Variants in CELA2A observed in about 807,000 individuals in gnomAD.
CELA2A encodes chymotrypsin-like elastase family member 2A.
In CELA2A, 31 loss-of-function variants were observed where a neutral mutation model predicts 35.3. That is an observed-to-expected ratio of 0.88 (90% CI 0.66 to 1.19). CELA2A has a LOEUF of 1.19. Ranked by LOEUF, CELA2A falls within the 50% of genes most tolerant of loss-of-function variation. CELA2A has a pLI of 0.00. For synonymous variants in CELA2A, 150 were observed against 149.8 expected, an observed-to-expected ratio of 1.00 and a Z score of -0.01; for missense variants, 330 against 352.9, an observed-to-expected ratio of 0.94 and a Z score of 0.52.
chr1:15,457,112 C>G lies in CELA2A; in HGVS notation c.67C>G (p.Pro23Ala). The change falls in exon 2 of 8, where the codon CCA becomes GCA. Residue 23 changes from proline (P) to alanine (A), a missense_variant. Physicochemically the swap from Pro to Ala is conservative, Grantham distance 27 (BLOSUM62 -1). Coordinates refer to ENST00000359621, the MANE Select transcript of CELA2A (RefSeq NM_033440.3). ...GALSCGDPTY[P>A]PYVTRVVGGE... ...CCTCAGTTGTGGGGACCCCACTTAC[C>G]CACCTTATGTGACTAGGGTGGTTGG... The G allele has an allele frequency of 6.2e-7, 1 of 1,614,122 alleles. No homozygotes were observed. Among genetic ancestry groups the G allele is most frequent in the Non-Finnish European group, 8.5e-7 (1 of 1,180,020 alleles).
At chr1:15,465,258 A>T (rs1050901490) in intron 5 of CELA2A, among the ~76,000 whole-genome samples, 2 of 151,834 alleles carry the variant, frequency 1.3e-5, no homozygotes, top group African/African-American at 4.8e-5. Context: ...TGATCTGCCC[A>T]CCTTGGCCTC....
chr1:15,469,096 T>C (rs1341187671), intron 7 of CELA2A, among the ~76,000 whole-genome samples: 2 of 152,258 alleles, frequency 1.3e-5, no homozygotes, highest in Admixed American at 1.3e-4. Context: ...GGGAATCACT[T>C]GAACCTGGGA....
intron 6 of CELA2A, 126 bp downstream of exon 6, chr1:15,466,270 G>A: frequency 8.2e-7 from 1 of 1,226,638 alleles, no homozygotes; most frequent in Non-Finnish European, 1.1e-6. Context: ...ACATGTTCCA[G>A]ATATATCTTT....
At chr1:15,458,967 C>T (rs1363890270) in intron 2 of CELA2A, among the ~76,000 whole-genome samples, 1 of 118,266 alleles carries the variant, frequency 8.5e-6, no homozygotes, top group African/African-American at 3.4e-5. Flanking sequence ...AGACTGTCAA[C>T]GATAGAATGA....
chr1:15,462,072 A>T, intron 3 of CELA2A: 1 of 478,706 alleles, frequency 2.1e-6, no homozygotes, highest in South Asian at 1.5e-5. Context: ...CCTGGCACTT[A>T]GTAAGTGCTC....
intron 7 of CELA2A, 119 bp downstream of exon 7, chr1:15,467,657 C>A (rs1708539221): frequency 6.9e-6 from 9 of 1,300,558 alleles, no homozygotes; most frequent in Non-Finnish European, 3.2e-6. Flanking sequence ...AGATGGGAAC[C>A]CCTTGGAGGA....
intron 3 of CELA2A, chr1:15,462,236 G>A (rs1173630533): frequency 2.1e-6 from 1 of 469,362 alleles, no homozygotes; most frequent in Non-Finnish European, 4.4e-6. Context: ...CCTACCAGGA[G>A]TGATCCCTTC....
chr1:15,462,270 CT>C, intron 3 of CELA2A: 1 of 454,908 alleles, frequency 2.2e-6, no homozygotes, highest in East Asian at 7.1e-5. Context: ...ATAATAAGCT[CT>C]AGGAGGTATT....
At position 15,457,071 on chromosome 1, in the gene CELA2A, T is replaced by C. The variant is rs1708370375; in HGVS notation, c.41-15T>C. 6.2e-7 allele frequency: 1 copy of C among 1,612,744 alleles called. No homozygotes were observed. ...GTCGCTGCTTCCTGACTCAAGACCC[T>C]TTCTCTTTTCACAGCCCTCAGTTGT... On this transcript the variant is annotated splice_polypyrimidine_tract_variant and intron_variant, in intron 1 of 7. Transcript: ENST00000359621.
In CELA2A at chr1:15,463,431, C is replaced by T. The variant is rs767868645; in HGVS notation, c.402C>T (p.Thr134=). Residue 134 remains threonine (T), a synonymous_variant, in exon 5 of 8, where the codon ACC becomes ACT. Coordinates refer to ENST00000359621, the MANE Select transcript of CELA2A (RefSeq NM_033440.3). The stretch of plus-strand genomic sequence containing the variant: ...AACTGGCTAACCCCGTCTCCCTCAC[C>T]GACAAGATCCAGCTGGCCTGCCTCC... ...LLKLANPVSL[T]DKIQLACLPP... is the part of the protein sequence containing the mutation. 1.9e-5 allele frequency: 31 copies of T among 1,613,856 alleles called. No homozygotes were observed. Among genetic ancestry groups the T allele is most frequent in the Admixed American group, 1.5e-4 (9 of 59,990 alleles).
rs555105635 is a variant in CELA2A at position 15,470,044 on chromosome 1, G to A, written c.793-1946G>A. ...TGGCCAGATGGCAGCAGGGATCCAC[G>A]GGGCAGCACGCCTCGCAAGGCAGCT... On this transcript the variant is annotated intron_variant, in intron 7 of 7. Transcript: ENST00000359621. Among the ~76,000 whole-genome samples, 4 of 152,286 alleles carry A rather than the reference G, an allele frequency of 2.6e-5. No homozygotes were observed. In the East Asian group the frequency reaches 5.8e-4, roughly 22 times the overall value.
Position 15,460,876 on chromosome 1 carries a change from TA to T in CELA2A, c.130-684del, listed in dbSNP as rs1708424621. ...ATTTTTGTTGTAGAGACAATGTATTTAGTCCTGCCTCACACGGCTAATAAAG... is the reference window on the plus strand; with the variant it reads ...ATTTTTGTTGTAGAGACAATGTATTTGTCCTGCCTCACACGGCTAATAAAG... On this transcript the variant is annotated intron_variant, in intron 2 of 7. Transcript: ENST00000359621. Among the ~76,000 whole-genome samples, 4 of 146,162 alleles carry T rather than the reference TA, an allele frequency of 2.7e-5. No homozygotes were observed. In the South Asian group the frequency reaches 8.7e-4, roughly 32 times the overall value.
Position 15,467,442 on chromosome 1 carries a change from C to A in CELA2A, c.696C>A (p.His232Gln), listed in dbSNP as rs201638508. 8 of 1,613,920 alleles carry A rather than the reference C, an allele frequency of 5.0e-6. No individual in the cohort carries two copies. The highest frequency in any genetic ancestry group is 5.9e-6 in the Non-Finnish European group (7 of 1,180,046). ...CQASDGRWQV[H>Q]GIVSFGSRLG... is the part of the protein sequence containing the mutation. ...CGTCTGACGGCCGGTGGCAGGTGCA[C>A]GGCATCGTCAGCTTCGGGTCTCGCC... Residue 232 changes from histidine to glutamine, a missense_variant, in exon 7 of 8, where the codon CAC becomes CAA. Transcript: ENST00000359621.
intron 2 of CELA2A, among the ~76,000 whole-genome samples, 169 bp from the exon 3 acceptor site, chr1:15,461,392 C>T (rs1425371719): frequency 1.3e-5 from 2 of 152,106 alleles, no homozygotes; most frequent in East Asian, 3.9e-4. Context: ...TGCATTAACA[C>T]GTTTTTTATC....
intron 2 of CELA2A, among the ~76,000 whole-genome samples, chr1:15,458,844 C>T (rs565312050): frequency 4.4e-4 from 59 of 132,970 alleles, no homozygotes; most frequent in African/African-American, 1.5e-3. Context: ...ACCTGGGAGG[C>T]GCAGGTTGCG....
At chr1:15,457,476 G>T in intron 2 of CELA2A, 1 of 303,174 alleles carries the variant, frequency 3.3e-6, no homozygotes, top group Non-Finnish European at 6.3e-6. Flanking sequence ...CAGGTGTGGT[G>T]GCACACGCCT....
intron 7 of CELA2A, among the ~76,000 whole-genome samples, chr1:15,470,837 T>A (rs1352225532): frequency 6.6e-6 from 1 of 152,158 alleles, no homozygotes; most frequent in Non-Finnish European, 1.5e-5. Context: ...CGCCTTGGCC[T>A]CCAAAAGTGC....
chr1:15,463,387 A>T lies in CELA2A; in HGVS notation c.358A>T (p.Asn120Tyr). The change falls in exon 5 of 8, where the codon AAC becomes TAC. Residue 120 changes from asparagine (N) to tyrosine (Y), a missense_variant and splice_region_variant. Asn to Tyr is a moderately radical substitution (Grantham distance 143). Coordinates refer to ENST00000359621, the MANE Select transcript of CELA2A (RefSeq NM_033440.3). ...TGCTTCGCCTCCACACTCACCCAGG[A>T]ACGACATTGCCCTGCTCAAACTGGC... ...DWNSNQISKG[N>Y]DIALLKLANP... 6.2e-7 allele frequency: 1 copy of T among 1,613,646 alleles called. No individual in the cohort carries two copies. Among genetic ancestry groups the T allele is most frequent in the Non-Finnish European group, 8.5e-7 (1 of 1,179,864 alleles).
Position 15,463,394 on chromosome 1 carries a change from T to G in CELA2A, c.365T>G (p.Ile122Ser). ...NSNQISKGND[I>S]ALLKLANPVS... ...CCTCCACACTCACCCAGGAACGACA[T>G]TGCCCTGCTCAAACTGGCTAACCCC... Residue 122 changes from isoleucine (I) to serine (S), a missense_variant, in exon 5 of 8, where the codon ATT (isoleucine) becomes AGT (serine). Coordinates refer to ENST00000359621, the MANE Select transcript of CELA2A (RefSeq NM_033440.3). 1 of 1,613,708 alleles carries G rather than the reference T, an allele frequency of 6.2e-7. No homozygotes were observed. The highest frequency in any genetic ancestry group is 8.5e-7 in the Non-Finnish European group (1 of 1,179,858).
Sources: allele counts gnomAD v4.1 joint callset (sites outside exome capture counted in the v4.1 genomes callset), GRCh38; gene constraint gnomAD v4.1.1; transcripts MANE v1.5; gene names NCBI Gene and HGNC (gene_info 2026-07-23, HGNC 2026-07-21).